Variants in CACNA2D3 observed in about 807,000 individuals in gnomAD.
CACNA2D3 encodes voltage-dependent calcium channel subunit alpha-2/delta-3.
CACNA2D3 carries 60 observed loss-of-function variants against 160.6 expected under a neutral mutation model. That is an observed-to-expected ratio of 0.37 (90% CI 0.30 to 0.46). The LOEUF (loss-of-function observed/expected upper bound fraction) is 0.46. CACNA2D3 is among the 20% of genes least tolerant of loss of function. CACNA2D3 has a pLI of 1.00. For missense variants in CACNA2D3, 1,205 were observed against 1,365.0 expected (o/e 0.88, Z 1.85); for synonymous variants, 558 against 492.9 (o/e 1.13, Z -1.75).
At chr3:55,069,952 TG>T (rs141568189) in intron 35 of CACNA2D3, among the ~76,000 whole-genome samples, 198 of 152,382 alleles carry the variant, frequency 1.3e-3, no homozygotes, top group African/African-American at 4.4e-3. Flanking sequence ...AGTTAATTTA[TG>T]TCAGTAAGCT....
intron 3 of CACNA2D3, among the ~76,000 whole-genome samples, chr3:54,351,182 A>G (rs1439286992): frequency 6.6e-6 from 1 of 151,324 alleles, no homozygotes; most frequent in Admixed American, 6.6e-5. Context: ...GGGTTACCGC[A>G]TGTTGGCCAG....
At chr3:54,611,459 G>C (rs1489690488) in intron 9 of CACNA2D3, among the ~76,000 whole-genome samples, 1 of 152,174 alleles carries the variant, frequency 6.6e-6, no homozygotes, top group Non-Finnish European at 1.5e-5. Flanking sequence ...ACCTTAGCCA[G>C]GTGCTCTTTT....
At chr3:55,053,567 A>G (rs1338668745) in intron 35 of CACNA2D3, among the ~76,000 whole-genome samples, 1 of 151,944 alleles carries the variant, frequency 6.6e-6, no homozygotes, top group Non-Finnish European at 1.5e-5. Context: ...TTTAAGTAGT[A>G]TTACTTCATT....
At chr3:54,214,323 A>G (rs989435419) in intron 2 of CACNA2D3, among the ~76,000 whole-genome samples, 1 of 152,132 alleles carries the variant, frequency 6.6e-6, no homozygotes, top group Non-Finnish European at 1.5e-5. Flanking sequence ...GTACTTCCAC[A>G]TGCCATATTC....
At chr3:54,243,750 A>G (rs187597207) in intron 2 of CACNA2D3, among the ~76,000 whole-genome samples, 163 of 152,318 alleles carry the variant, frequency 1.1e-3, no homozygotes, top group African/African-American at 3.6e-3. Context: ...CTGGGCAAAA[A>G]GCACCCGTGC....
At chr3:54,531,605 G>A (rs184647451) in intron 5 of CACNA2D3, among the ~76,000 whole-genome samples, 5 of 152,238 alleles carry the variant, frequency 3.3e-5, no homozygotes, top group East Asian at 1.9e-4. Context: ...TGGTGAGGGC[G>A]GCATCTCTTG....
chr3:54,716,578 G>A (rs995459535), intron 11 of CACNA2D3, among the ~76,000 whole-genome samples: 1 of 152,158 alleles, frequency 6.6e-6, no homozygotes, highest in African/African-American at 2.4e-5. Flanking sequence ...ATTCATCTCT[G>A]GGTGGGTGGG....
chr3:54,710,569 G>C (rs1159212624), intron 11 of CACNA2D3, among the ~76,000 whole-genome samples: 1 of 152,134 alleles, frequency 6.6e-6, no homozygotes, highest in Non-Finnish European at 1.5e-5. Context: ...CCATTGTCCA[G>C]AATTTAGCCA....
chr3:54,626,775 T>C, intron 9 of CACNA2D3: 3 of 623,720 alleles, frequency 4.8e-6, no homozygotes, highest in South Asian at 4.0e-5. Context: ...GGTGCCACCA[T>C]GGGTGTGGGC....
intron 4 of CACNA2D3, among the ~76,000 whole-genome samples, chr3:54,488,607 G>T (rs536978891): frequency 6.6e-6 from 1 of 152,034 alleles, no homozygotes; most frequent in Non-Finnish European, 1.5e-5. Context: ...AGCTCCTGCC[G>T]TGTCCTCAGG....
intron 29 of CACNA2D3, among the ~76,000 whole-genome samples, chr3:54,981,538 G>T (rs1702508492): frequency 6.6e-6 from 1 of 152,068 alleles, no homozygotes; most frequent in African/African-American, 2.4e-5. Context: ...GAGAGAGAGA[G>T]AAAGGGGGGC....
chr3:54,784,651 A>G (rs751503461), intron 13 of CACNA2D3, among the ~76,000 whole-genome samples: 34 of 152,124 alleles, frequency 2.2e-4, no homozygotes, highest in Non-Finnish European at 4.3e-4. Context: ...TAGGGAGTCC[A>G]GTGCAGAGTT....
chr3:55,018,211 A>G lies in CACNA2D3; in HGVS notation c.2881A>G (p.Lys961Glu), dbSNP rs1553632022. 3 of 1,609,874 alleles carry G rather than the reference A, an allele frequency of 1.9e-6. No individual in the cohort carries two copies. Among genetic ancestry groups the G allele is most frequent in the African/African-American group, 2.7e-5 (2 of 74,848 alleles). ...TTTTCCCACTATCCCTACAGCCCAG[A>G]AATTGAAACAGACCCTGGAGCCTTG... ...WHSDMTAKAQ[K>E]LKQTLEPCDT... Residue 961 changes from lysine (K) to glutamate (E), a missense_variant, in exon 35 of 38, where the codon AAA (lysine) becomes GAA (glutamate). Physicochemically the swap from Lys to Glu is moderately conservative, Grantham distance 56. Coordinates refer to ENST00000474759, the MANE Select transcript of CACNA2D3 (RefSeq NM_018398.3).
chr3:54,672,114 T>C (rs1700173758), intron 11 of CACNA2D3, among the ~76,000 whole-genome samples: 1 of 152,224 alleles, frequency 6.6e-6, no homozygotes, highest in Non-Finnish European at 1.5e-5. Flanking sequence ...CATGTGAGTA[T>C]CAGGAGACCT....
At chr3:54,666,298 C>T (rs899975425) in intron 11 of CACNA2D3, among the ~76,000 whole-genome samples, 7 of 152,180 alleles carry the variant, frequency 4.6e-5, no homozygotes, top group African/African-American at 1.7e-4. Context: ...CATATTCTAA[C>T]AGCTTAAAAT....
chr3:54,640,389 C>T (rs1699489477), intron 10 of CACNA2D3, among the ~76,000 whole-genome samples: 1 of 152,182 alleles, frequency 6.6e-6, no homozygotes, highest in African/African-American at 2.4e-5. Flanking sequence ...GCAGCATTGA[C>T]ATGTAATTGT....
chr3:54,645,092 G>C (rs1490359783), intron 11 of CACNA2D3, among the ~76,000 whole-genome samples: 1 of 152,204 alleles, frequency 6.6e-6, no homozygotes, highest in African/African-American at 2.4e-5. Flanking sequence ...AAGAAAAGAG[G>C]TTTAATTGAC....
intron 35 of CACNA2D3, among the ~76,000 whole-genome samples, chr3:55,034,925 T>A (rs56110821): frequency 0.26 from 39,018 of 152,046 alleles, 5,202 homozygotes; most frequent in Admixed American, 0.32. Flanking sequence ...CCATTCTTTA[T>A]TAAGATAAAT....
intron 11 of CACNA2D3, among the ~76,000 whole-genome samples, chr3:54,703,849 C>T (rs1481109700): frequency 4.6e-5 from 7 of 152,148 alleles, no homozygotes; most frequent in Non-Finnish European, 7.3e-5. Context: ...AGCAGAGATA[C>T]TAACAGAGAG....
Sources: gnomAD v4.1 joint callset for allele counts (sites outside exome capture counted in the v4.1 genomes callset) on GRCh38, gnomAD v4.1.1 for gene constraint, MANE v1.5 for transcripts, NCBI Gene and HGNC (gene_info 2026-07-23, HGNC 2026-07-21) for gene names.